Variants in WDR44 observed in about 807,000 individuals in gnomAD.
WDR44 encodes the protein WD repeat domain 44.
A neutral mutation model predicts 65.7 loss-of-function variants in WDR44; 9 were observed. The observed-to-expected ratio is 0.14, with a 90% CI of 0.08 to 0.24. The LOEUF (loss-of-function observed/expected upper bound fraction) is 0.24. Among genes scored for constraint, WDR44 ranks in the 10% least tolerant of loss-of-function variants. WDR44 has a pLI of 1.00. For synonymous variants in WDR44, 220 were observed against 235.2 expected, an observed-to-expected ratio of 0.94 and a Z score of 0.59; for missense variants, 425 against 670.9, an observed-to-expected ratio of 0.63 and a Z score of 4.05.
chrX:118,410,866 C>T (rs1375158217), intron 11 of WDR44, 29 bp from the exon 12 acceptor site: 2 of 1,179,333 alleles, frequency 1.7e-6, no homozygotes, highest in East Asian at 6.0e-5. Context: ...ACATACATGC[C>T]TTTTTTACAA....
intron 11 of WDR44, 64 bp from the exon 12 acceptor site, chrX:118,410,831 T>C: frequency 1.1e-6 from 1 of 901,387 alleles, no homozygotes; most frequent in Non-Finnish European, 1.6e-6. Flanking sequence ...TTCTGGATGT[T>C]ATATTTTGGT....
chrX:118,446,337 T>C (rs1042642749), intron 19 of WDR44, among the ~76,000 whole-genome samples: 1 of 110,596 alleles, frequency 9.0e-6, no homozygotes, highest in Non-Finnish European at 1.9e-5. Flanking sequence ...TCCCGGGTAT[T>C]TGGGAGGCTG....
At chrX:118,399,677 A>AT (rs1365214659) in intron 8 of WDR44, among the ~76,000 whole-genome samples, 2 of 111,684 alleles carry the variant, frequency 1.8e-5, no homozygotes, top group Non-Finnish European at 3.8e-5. Context: ...TTCTTACATC[A>AT]TTTTTTTTAA....
At chrX:118,447,319 T>C (rs906284696) in intron 19 of WDR44, among the ~76,000 whole-genome samples, 2 of 111,535 alleles carry the variant, frequency 1.8e-5, no homozygotes, top group Non-Finnish European at 3.8e-5. Flanking sequence ...CTCAAAAATA[T>C]ACCACATTAA....
At chrX:118,427,125 G>A (rs778187347) in intron 12 of WDR44, among the ~76,000 whole-genome samples, 8 of 110,830 alleles carry the variant, frequency 7.2e-5, no homozygotes, top group Admixed American at 9.7e-5. Flanking sequence ...ATATTTTAAG[G>A]GATAAGAGTC....
At chrX:118,375,891 T>C (rs750840766) in intron 1 of WDR44, among the ~76,000 whole-genome samples, 1 of 112,521 alleles carries the variant, frequency 8.9e-6, no homozygotes, top group East Asian at 2.8e-4. Context: ...AATTTATCTT[T>C]GTATCTCTAG....
chrX:118,443,696 A>C lies in WDR44; in HGVS notation c.2512+9A>C. 8.4e-7 allele frequency: 1 copy of C among 1,190,238 alleles called. No homozygotes were observed. Among genetic ancestry groups the C allele is most frequent in the East Asian group, 3.0e-5 (1 of 33,390 alleles). On this transcript the variant is annotated intron_variant, in intron 18 of 19. Coordinates refer to ENST00000254029, the MANE Select transcript of WDR44 (RefSeq NM_019045.5). Reference sequence around the variant, plus strand: ...CTGGGAAGGTATTAAAGGTAAGTACATACTTGCTTTTGTGTGTCTTATAAG... The same window carrying C: ...CTGGGAAGGTATTAAAGGTAAGTACCTACTTGCTTTTGTGTGTCTTATAAG...
chrX:118,359,390 A>G (rs1321806179), intron 1 of WDR44, among the ~76,000 whole-genome samples: 1 of 112,420 alleles, frequency 8.9e-6, no homozygotes, highest in Non-Finnish European at 1.9e-5. Flanking sequence ...TGTGCAGAAT[A>G]GAATGTTTTT....
chrX:118,428,966 A>G (rs6646201), intron 12 of WDR44, among the ~76,000 whole-genome samples: 47,479 of 109,693 alleles, frequency 0.43, 10,801 homozygotes, highest in African/African-American at 0.86. Context: ...AAAACCAAAC[A>G]CCACATGTTA....
intron 12 of WDR44, among the ~76,000 whole-genome samples, chrX:118,411,510 G>C (rs772798379): frequency 1.1e-4 from 12 of 111,525 alleles, no homozygotes; most frequent in Non-Finnish European, 2.3e-4. Context: ...ATATAAACAA[G>C]AGAACCTAAA....
Position 118,378,425 on chromosome X carries a change from A to G in WDR44, c.84A>G (p.Pro28=), listed in dbSNP as rs1282281304. The G allele has an allele frequency of 1.7e-6, 2 of 1,209,667 alleles. No homozygotes were observed. The highest frequency in any genetic ancestry group is 4.4e-5 in the Admixed American group (2 of 45,960). Residue 28 remains proline, a synonymous_variant, in exon 2 of 20, where the codon CCA becomes CCG. Coordinates refer to ENST00000254029, the MANE Select transcript of WDR44 (RefSeq NM_019045.5). ...TACTTTTATTTCTGAACAGGTCTCCAGGAAAAGTTGGGCTTTCAACATTCA... is the reference window on the plus strand; with the variant it reads ...TACTTTTATTTCTGAACAGGTCTCCGGGAAAAGTTGGGCTTTCAACATTCA... ...HLGGGYPVGS[P]GKVGLSTFKE...
In WDR44 at chrX:118,372,564, T is replaced by A. The variant is rs769025214; in HGVS notation, c.78-5855T>A. Among the ~76,000 whole-genome samples the A allele has an allele frequency of 3.6e-5, 4 of 111,077 alleles. No individual in the cohort carries two copies. The East Asian group carries it at 1.1e-3, about 31-fold the overall frequency. On this transcript the variant is annotated intron_variant, in intron 1 of 19. Transcript: ENST00000254029. Reference sequence around the variant, plus strand: ...CAGCTGAAAACAAGAAATAAGCATTTAAAAAGCCTCTGAACAGTTCAATAA... The same window carrying A: ...CAGCTGAAAACAAGAAATAAGCATTAAAAAAGCCTCTGAACAGTTCAATAA...
chrX:118,375,881 A>G (rs986116231), intron 1 of WDR44, among the ~76,000 whole-genome samples: 2 of 112,429 alleles, frequency 1.8e-5, no homozygotes, highest in African/African-American at 6.5e-5. Context: ...AATTTTATCT[A>G]ATTTATCTTT....
At chrX:118,356,233 GA>G (rs1378770337) in intron 1 of WDR44, among the ~76,000 whole-genome samples, 2 of 111,815 alleles carry the variant, frequency 1.8e-5, no homozygotes, top group Non-Finnish European at 3.8e-5. Flanking sequence ...AGCCAGGTCA[GA>G]AAATGACCTT....
intron 8 of WDR44, 24 bp downstream of exon 8, chrX:118,398,494 CTTCAT>C (rs2056884902): frequency 1.8e-6 from 2 of 1,128,230 alleles, no homozygotes; most frequent in Non-Finnish European, 2.4e-6. Context: ...CATCCCTTTT[CTTCAT>C]TTCAAGTTTT....
At chrX:118,439,570 C>T (rs1335988929) in intron 14 of WDR44, among the ~76,000 whole-genome samples, 1 of 108,185 alleles carries the variant, frequency 9.2e-6, no homozygotes, top group East Asian at 2.9e-4. Context: ...AATGAGACTC[C>T]GTCTCAAAAA....
rs1054806121 is a variant in WDR44 at position 118,449,547 on chromosome X, T to G, written c.*560T>G. 3.6e-5 allele frequency: 4 copies of G among 111,473 alleles called. No homozygotes were observed. The highest frequency in any genetic ancestry group is 1.3e-4 in the African/African-American group (4 of 30,641). The allele number at this position is 111,473 out of a possible 1,213,427, so 9.2% of individuals were successfully genotyped here. A position where few individuals can be genotyped will look rare whatever the true frequency, so the allele number is the denominator to read the frequency against. On this transcript the variant is annotated 3_prime_UTR_variant, in exon 20 of 20. Coordinates refer to ENST00000254029, the MANE Select transcript of WDR44 (RefSeq NM_019045.5). Reference sequence around the variant, plus strand: ...TCAATTTGGGGACAAGATTTTTTTGTGGTCTAAATTGTGGGCTTAAGATTC... The same window carrying G: ...TCAATTTGGGGACAAGATTTTTTTGGGGTCTAAATTGTGGGCTTAAGATTC...
At chrX:118,444,813 T>G (rs2057332505) in intron 19 of WDR44, among the ~76,000 whole-genome samples, 1 of 110,335 alleles carries the variant, frequency 9.1e-6, no homozygotes, top group Non-Finnish European at 1.9e-5. Context: ...TTGCCCAGGC[T>G]GGTCTCAAAC....
At chrX:118,392,589 A>G (rs1228315742) in intron 3 of WDR44, 43 bp from the exon 4 acceptor site, 1 of 1,092,380 alleles carries the variant, frequency 9.2e-7, no homozygotes, top group African/African-American at 1.8e-5. Context: ...GTGTTCTTAT[A>G]AATAGCTTCA....
Sources: allele counts gnomAD v4.1 joint callset (sites outside exome capture counted in the v4.1 genomes callset), GRCh38; gene constraint gnomAD v4.1.1; transcripts MANE v1.5; gene names NCBI Gene and HGNC (gene_info 2026-07-23, HGNC 2026-07-21).